The following VAMP2 variants were observed in gnomAD, a reference collection of about 807,000 sequenced individuals.
VAMP2 encodes vesicle-associated membrane protein 2.
For synonymous variants in VAMP2, 67 were observed against 57.3 expected, an observed-to-expected ratio of 1.17 and a Z score of -0.76; for missense variants, 95 against 151.3, an observed-to-expected ratio of 0.63 and a Z score of 1.95.
At chr17:8,161,333 T>C in intron 4 of VAMP2, 140 bp downstream of exon 4, 1 of 1,262,800 alleles carries the variant, frequency 7.9e-7, no homozygotes, top group Non-Finnish European at 1.1e-6. Flanking sequence ...TTTTTGGCTC[T>C]AGATGAATCA....
intron 1 of VAMP2, 119 bp from the exon 2 acceptor site, chr17:8,162,488 C>A: frequency 6.5e-7 from 1 of 1,549,146 alleles, no homozygotes; most frequent in Non-Finnish European, 8.7e-7. Context: ...GGAGGAAGGC[C>A]ACCCGATGTA....
intron 1 of VAMP2, 116 bp from the exon 2 acceptor site, chr17:8,162,485 G>A (rs1274278334): frequency 1.3e-6 from 2 of 1,549,566 alleles, no homozygotes; most frequent in South Asian, 1.2e-5. Flanking sequence ...TCGGGAGGAA[G>A]GCCACCCGAT....
chr17:8,161,444 A>G, intron 4 of VAMP2, 29 bp downstream of exon 4: 2 of 1,613,464 alleles, frequency 1.2e-6, no homozygotes, highest in Non-Finnish European at 1.7e-6. Flanking sequence ...CTCCAGGGAA[A>G]GGGCCCCGGC....
rs540482017 is a variant in VAMP2, at chr17:8,160,207, G to A, written c.*648C>T. The stretch of plus-strand genomic sequence containing the variant: ...AAAAAAGAAACACAGGTTGAGAGAA[G>A]AGTGATGGAACAAAAAGAAATGGAA... On this transcript the variant is annotated 3_prime_UTR_variant, in exon 5 of 5. Transcript: ENST00000316509. The A allele has an allele frequency of 3.9e-5, 6 of 152,266 alleles. No individual in the cohort carries two copies. Among genetic ancestry groups the A allele is most frequent in the Non-Finnish European group, 7.4e-5 (5 of 68,016 alleles). The allele number at this position is 152,266 out of a possible 1,614,324, so 9.4% of individuals were successfully genotyped here.
intron 4 of VAMP2, 107 bp from the exon 5 acceptor site, chr17:8,160,978 C>A (rs1472415519): frequency 1.0e-6 from 1 of 991,994 alleles, no homozygotes; most frequent in Non-Finnish European, 1.5e-6. Flanking sequence ...TCCCCACTCC[C>A]CAGCTGGCTG....
chr17:8,162,931 C>T lies in VAMP2; in HGVS notation c.-52G>A. On this transcript the variant is annotated 5_prime_UTR_variant, in exon 1 of 5. Coordinates refer to ENST00000316509, the MANE Select transcript of VAMP2 (RefSeq NM_014232.3). ...GCAGCGGCAGTGATGGCGGCGGCGG[C>T]TCGCGCTGGCTCCGACTGGCGCTGG... is the stretch of plus-strand genomic sequence containing the variant. 1 of 1,203,828 alleles carries T rather than the reference C, an allele frequency of 8.3e-7. No individual in the cohort carries two copies. The highest frequency in any genetic ancestry group is 1.0e-6 in the Non-Finnish European group (1 of 969,972). The allele number at this position is 1,203,828 out of a possible 1,614,324, so 74.6% of individuals were successfully genotyped here. A position where few individuals can be genotyped will look rare whatever the true frequency, so the allele number is the denominator to read the frequency against.
At chr17:8,161,821 G>T (rs1325760973) in intron 2 of VAMP2, 55 bp from the exon 3 acceptor site, 2 of 1,586,166 alleles carry the variant, frequency 1.3e-6, no homozygotes, top group Non-Finnish European at 1.7e-6. Flanking sequence ...CTCAGTGAGG[G>T]CAATCCTCAA....
chr17:8,160,825 T>G lies in VAMP2; in HGVS notation c.*30A>C, dbSNP rs781173301. ...CGGCTGAGGGTTGGGGGAGAGGCCC[T>G]TCTCTAGGCAGGGCAGACTCCTCGG... On this transcript the variant is annotated 3_prime_UTR_variant, in exon 5 of 5. Coordinates refer to ENST00000316509, the MANE Select transcript of VAMP2 (RefSeq NM_014232.3). 3.9e-5 allele frequency: 62 copies of G among 1,604,342 alleles called. No homozygotes were observed. The highest frequency in any genetic ancestry group is 5.3e-5 in the Non-Finnish European group (62 of 1,174,296).
chr17:8,161,824 A>C, intron 2 of VAMP2, 58 bp from the exon 3 acceptor site: 1 of 1,581,134 alleles, frequency 6.3e-7, no homozygotes, highest in Non-Finnish European at 8.6e-7. Context: ...AGTGAGGGCA[A>C]TCCTCAAACA....
At position 8,162,922 on chromosome 17, in the gene VAMP2, C is replaced by T. The variant is rs1983363959; in HGVS notation, c.-43G>A. ...GAGGACTTGGCAGCGGCAGTGATGG[C>T]GGCGGCGGCTCGCGCTGGCTCCGAC... On this transcript the variant is annotated 5_prime_UTR_variant, in exon 1 of 5. Transcript: ENST00000316509. 5 of 1,205,842 alleles carry T rather than the reference C, an allele frequency of 4.1e-6. No individual in the cohort carries two copies. Among genetic ancestry groups the T allele is most frequent in the Non-Finnish European group, 5.1e-6 (5 of 971,326 alleles). 74.7% of individuals were successfully genotyped at this position (1,205,842 alleles called of 1,614,324 possible).
Position 8,160,837 on chromosome 17 carries a change from G to C in VAMP2, c.*18C>G. 6.2e-7 allele frequency: 1 copy of C among 1,610,000 alleles called. No individual in the cohort carries two copies. The highest frequency in any genetic ancestry group is 1.1e-5 in the South Asian group (1 of 90,652). ...GGGGGAGAGGCCCTTCTCTAGGCAG[G>C]GCAGACTCCTCGGGGATTTAAGTGC... is the stretch of plus-strand genomic sequence containing the variant. On this transcript the variant is annotated 3_prime_UTR_variant, in exon 5 of 5. Transcript: ENST00000316509.
intron 2 of VAMP2, among the ~76,000 whole-genome samples, chr17:8,162,040 G>T (rs1371112500): frequency 6.6e-6 from 1 of 152,140 alleles, no homozygotes; most frequent in Non-Finnish European, 1.5e-5. Flanking sequence ...ACCTGCCCAG[G>T]CTGGCACACC....
At position 8,159,649 on chromosome 17, in the gene VAMP2, G is replaced by A. The variant is rs1366059337; in HGVS notation, c.*1206C>T. 1 of 152,636 alleles carries A rather than the reference G, an allele frequency of 6.6e-6. No homozygotes were observed. The allele number at this position is 152,636 out of a possible 1,614,324, so 9.5% of individuals were successfully genotyped here. A position where few individuals can be genotyped will look rare whatever the true frequency, so the allele number is the denominator to read the frequency against. On this transcript the variant is annotated 3_prime_UTR_variant, in exon 5 of 5. Transcript: ENST00000316509. ...CAACACCCCCCAAATTGGGGAGGAG[G>A]GTTTTCAGTCCAACCCCCAGCAGGG...
chr17:8,161,381 G>T, intron 4 of VAMP2, 92 bp downstream of exon 4: 1 of 1,516,904 alleles, frequency 6.6e-7, no homozygotes, highest in South Asian at 1.2e-5. Flanking sequence ...TTTGGCTGAA[G>T]AGTAAAAACT....
chr17:8,161,912 T>A, intron 2 of VAMP2, 146 bp from the exon 3 acceptor site: 1 of 1,295,912 alleles, frequency 7.7e-7, no homozygotes, highest in Non-Finnish European at 1.1e-6. Context: ...AGAACATGCC[T>A]AGCACACCTG....
chr17:8,160,981 G>C, intron 4 of VAMP2, 110 bp from the exon 5 acceptor site: 1 of 944,404 alleles, frequency 1.1e-6, no homozygotes. Context: ...CCACTCCCCA[G>C]CTGGCTGACA....
chr17:8,160,731 C>T lies in VAMP2; in HGVS notation c.*124G>A. The T allele has an allele frequency of 1.2e-6, 1 of 851,858 alleles. No individual in the cohort carries two copies. The allele number at this position is 851,858 out of a possible 1,614,324, so 52.8% of individuals were successfully genotyped here. A position where few individuals can be genotyped will look rare whatever the true frequency, so the allele number is the denominator to read the frequency against. ...AGCTGGCTATTTACAGGGGGACACA[C>T]ACACGGACACACACACACACGGATC... On this transcript the variant is annotated 3_prime_UTR_variant, in exon 5 of 5. Coordinates refer to ENST00000316509, the MANE Select transcript of VAMP2 (RefSeq NM_014232.3).
In VAMP2 at chr17:8,160,424, G is replaced by T. The variant is rs1041810040; in HGVS notation, c.*431C>A. The T allele has an allele frequency of 7.3e-6, 1 of 137,450 alleles. No individual in the cohort carries two copies. The highest frequency in any genetic ancestry group is 1.6e-5 in the Non-Finnish European group (1 of 64,238). The allele number at this position is 137,450 out of a possible 1,614,324, so 8.5% of individuals were successfully genotyped here. A position where few individuals can be genotyped will look rare whatever the true frequency, so the allele number is the denominator to read the frequency against. Reference sequence around the variant, plus strand: ...TTTTTTTGAGGGCGGGGCAGAGGGAGCATGACGGGGAGAGTGAGGAGGAAA... The same window carrying T: ...TTTTTTTGAGGGCGGGGCAGAGGGATCATGACGGGGAGAGTGAGGAGGAAA... On this transcript the variant is annotated 3_prime_UTR_variant, in exon 5 of 5. Coordinates refer to ENST00000316509, the MANE Select transcript of VAMP2 (RefSeq NM_014232.3).
chr17:8,161,840 C>A, intron 2 of VAMP2, 74 bp from the exon 3 acceptor site: 1 of 1,563,452 alleles, frequency 6.4e-7, no homozygotes, highest in East Asian at 2.3e-5. Context: ...AAACATGTGC[C>A]CACCGTGCCA....
Sources: allele counts gnomAD v4.1 joint callset (sites outside exome capture counted in the v4.1 genomes callset), GRCh38; gene constraint gnomAD v4.1.1; transcripts MANE v1.5; gene names NCBI Gene and HGNC (gene_info 2026-07-23, HGNC 2026-07-21).